The following GRID2 variants were observed in gnomAD, a reference collection of about 807,000 sequenced individuals.
GRID2 encodes glutamate ionotropic receptor delta type subunit 2, also known as glutamate receptor ionotropic, delta-2.
In GRID2, 33 loss-of-function variants were observed where a neutral mutation model predicts 114.8. That is an observed-to-expected ratio of 0.29 (90% CI 0.22 to 0.38). The LOEUF (loss-of-function observed/expected upper bound fraction) is 0.38, where lower values mean the gene tolerates loss of function less well. Ranked by LOEUF, GRID2 falls within the 10% of genes least tolerant of loss-of-function variation. The probability of loss-of-function intolerance (pLI) is 1.00; values close to 1 mark genes in which losing one functional copy is unlikely to be tolerated. For synonymous variants in GRID2, 505 were observed against 449.9 expected (o/e 1.12, Z -1.55); for missense variants, 1,184 against 1,257.7 (o/e 0.94, Z 0.89).
intron 1 of GRID2, among the ~76,000 whole-genome samples, chr4:92,521,366 AAG>A (rs1724769325): frequency 6.6e-6 from 1 of 151,944 alleles, no homozygotes; most frequent in Non-Finnish European, 1.5e-5. Flanking sequence ...AAAAATATAA[AAG>A]AAAGTCATAT....
chr4:92,890,466 C>T (rs574719615), intron 2 of GRID2, among the ~76,000 whole-genome samples: 3 of 151,990 alleles, frequency 2.0e-5, no homozygotes, highest in Admixed American at 2.0e-4. Context: ...TGAACAGACA[C>T]TTTTCAAAAG....
chr4:93,449,474 A>G (rs979021657), intron 10 of GRID2, among the ~76,000 whole-genome samples: 3 of 152,116 alleles, frequency 2.0e-5, no homozygotes, highest in Non-Finnish European at 2.9e-5. Context: ...ATTAAATTAC[A>G]GAATGGATTA....
intron 12 of GRID2, among the ~76,000 whole-genome samples, chr4:93,504,940 A>G (rs937017994): frequency 1.6e-4 from 24 of 152,126 alleles, no homozygotes; most frequent in African/African-American, 5.5e-4. Context: ...TATTACATAG[A>G]GAAATATTGT....
In GRID2 at chr4:92,619,895, C is replaced by CTT. The variant is rs538099604; in HGVS notation, c.244+29609_244+29610insTT. ...TTGGCCATTTGCGAAGTTACACATG[C>CTT]CTTTTTTTTTCCCCCACAGGAGGGA... On this transcript the variant is annotated intron_variant, in intron 2 of 15. Coordinates refer to ENST00000282020, the MANE Select transcript of GRID2 (RefSeq NM_001510.4). Among the ~76,000 whole-genome samples, 577 of 151,416 alleles carry CTT rather than the reference C, an allele frequency of 3.8e-3. 2 individuals carry two copies. The highest frequency in any genetic ancestry group is 6.3e-3 in the Admixed American group (96 of 15,154).
At position 93,585,398 on chromosome 4, in the gene GRID2, G is replaced by A. The variant is rs7673524; in HGVS notation, c.2194-40871G>A. On this transcript the variant is annotated intron_variant, in intron 13 of 15. Transcript: ENST00000282020. ...GAATTGTGTACGCTGAGTCAATTAA[G>A]ATGTCTATGGTGTTGACTGTTGTTT... Among the ~76,000 whole-genome samples, 399 of 152,210 alleles carry A rather than the reference G, an allele frequency of 2.6e-3. 5 individuals carry two copies. Among genetic ancestry groups the A allele is most frequent in the African/African-American group, 9.1e-3 (376 of 41,534 alleles).
At chr4:92,879,592 A>G (rs1251169011) in intron 2 of GRID2, among the ~76,000 whole-genome samples, 1 of 152,218 alleles carries the variant, frequency 6.6e-6, no homozygotes, top group Non-Finnish European at 1.5e-5. Context: ...CAAGGGAACC[A>G]TTGTCATTTT....
chr4:93,243,542 C>T (rs1391059398), intron 8 of GRID2, among the ~76,000 whole-genome samples: 4 of 152,012 alleles, frequency 2.6e-5, no homozygotes, highest in Non-Finnish European at 5.9e-5. Context: ...AGCCTTATCA[C>T]CTCAAGCAGG....
chr4:92,680,831 C>T (rs376859959), intron 2 of GRID2, among the ~76,000 whole-genome samples: 11 of 152,258 alleles, frequency 7.2e-5, no homozygotes, highest in African/African-American at 2.6e-4. Context: ...AATGAGATTT[C>T]TGTCCCAGAG....
At chr4:92,481,121 A>C (rs2149104667) in intron 1 of GRID2, among the ~76,000 whole-genome samples, 1 of 152,290 alleles carries the variant, frequency 6.6e-6, no homozygotes, top group Admixed American at 6.5e-5. Context: ...TAAACATGGT[A>C]AGCCAGAATT....
chr4:93,655,425 A>G (rs1722916308), intron 14 of GRID2, among the ~76,000 whole-genome samples: 1 of 152,130 alleles, frequency 6.6e-6, no homozygotes, highest in African/African-American at 2.4e-5. Flanking sequence ...TATGCTGGAC[A>G]TGAAAAATCT....
At chr4:92,425,863 G>A (rs572942275) in intron 1 of GRID2, among the ~76,000 whole-genome samples, 2 of 152,174 alleles carry the variant, frequency 1.3e-5, no homozygotes, top group East Asian at 3.9e-4. Context: ...TATATTTAAA[G>A]CATTGACCAA....
rs1345001511 is a variant in GRID2 at position 92,411,624 on chromosome 4, CATGT to C, written c.88+106881_88+106884del. On this transcript the variant is annotated intron_variant, in intron 1 of 15. Transcript: ENST00000282020. ...TGTGCATTATATATAGATATATATGCATGTGTGTGTGTGTGTGTGTGTGTGTGTG... is the reference window on the plus strand; with the variant it reads ...TGTGCATTATATATAGATATATATGCGTGTGTGTGTGTGTGTGTGTGTGTG... Among the ~76,000 whole-genome samples the C allele has an allele frequency of 5.6e-4, 51 of 90,686 alleles. 2 individuals are homozygous for C. Among genetic ancestry groups the C allele is most frequent in the African/African-American group, 7.8e-4 (15 of 19,260 alleles). 59.5% of individuals were successfully genotyped at this position (90,686 alleles called of 152,430 possible).
chr4:93,722,497 C>A (rs1729472171), intron 14 of GRID2, among the ~76,000 whole-genome samples: 1 of 152,188 alleles, frequency 6.6e-6, no homozygotes, highest in South Asian at 2.1e-4. Flanking sequence ...TATCTAGAAT[C>A]AAGTTCATAC....
chr4:92,517,468 T>C (rs1579504127), intron 1 of GRID2, among the ~76,000 whole-genome samples: 2 of 151,930 alleles, frequency 1.3e-5, no homozygotes, highest in South Asian at 2.1e-4. Context: ...GCTTCTCATA[T>C]TTTAGATATT....
At chr4:92,647,417 T>C (rs1731708265) in intron 2 of GRID2, among the ~76,000 whole-genome samples, 2 of 81,950 alleles carry the variant, frequency 2.4e-5, no homozygotes, top group South Asian at 3.8e-4. Flanking sequence ...TAATTAGATA[T>C]ACAAGTAAAC....
chr4:92,768,811 C>T (rs960048886), intron 2 of GRID2, among the ~76,000 whole-genome samples: 33 of 152,096 alleles, frequency 2.2e-4, no homozygotes, highest in African/African-American at 6.3e-4. Context: ...AGGAAAGACC[C>T]GCCCCATAAT....
At chr4:92,305,249 T>A (rs1425183128) in intron 1 of GRID2, among the ~76,000 whole-genome samples, 1 of 152,122 alleles carries the variant, frequency 6.6e-6, no homozygotes, top group African/African-American at 2.4e-5. Context: ...CGCCGCAGCT[T>A]AGTGCGATGG....
At chr4:93,557,974 G>A (rs1157502419) in intron 13 of GRID2, among the ~76,000 whole-genome samples, 1 of 152,134 alleles carries the variant, frequency 6.6e-6, no homozygotes, top group Non-Finnish European at 1.5e-5. Flanking sequence ...TGAACAACCT[G>A]CTCCTGAATA....
chr4:93,576,789 A>G (rs531736323), intron 13 of GRID2, among the ~76,000 whole-genome samples: 4 of 152,276 alleles, frequency 2.6e-5, no homozygotes, highest in African/African-American at 9.6e-5. Context: ...GAAAAGGAAC[A>G]TAAAAGTACA....
Sources: gnomAD v4.1 joint callset for allele counts (sites outside exome capture counted in the v4.1 genomes callset) on GRCh38, gnomAD v4.1.1 for gene constraint, MANE v1.5 for transcripts, NCBI Gene and HGNC (gene_info 2026-07-23, HGNC 2026-07-21) for gene names.